Variants in DGKI observed in about 807,000 individuals in gnomAD.
The protein encoded by DGKI is DAG kinase iota.
A neutral mutation model predicts 147.5 loss-of-function variants in DGKI; 55 were observed. That is an observed-to-expected ratio of 0.37 (90% CI 0.30 to 0.47). The LOEUF (loss-of-function observed/expected upper bound fraction) is 0.47, where lower values mean the gene tolerates loss of function less well. Ranked by LOEUF, DGKI falls within the 20% of genes least tolerant of loss-of-function variation. The pLI is 1.00. For missense variants in DGKI, 1,007 were observed against 1,323.8 expected (o/e 0.76, Z 3.71); for synonymous variants, 469 against 477.1 (o/e 0.98, Z 0.22).
chr7:137,809,855 G>A (rs999754940), intron 1 of DGKI, among the ~76,000 whole-genome samples: 3 of 151,896 alleles, frequency 2.0e-5, no homozygotes, highest in African/African-American at 7.3e-5. Context: ...AGTGAGCCAT[G>A]ATCGCACCAC....
At chr7:137,492,392 T>G (rs1191448022) in intron 21 of DGKI, among the ~76,000 whole-genome samples, 1 of 151,866 alleles carries the variant, frequency 6.6e-6, no homozygotes, top group Non-Finnish European at 1.5e-5. Flanking sequence ...AGGAAGGTAT[T>G]GAGAATGGCT....
At position 137,391,198 on chromosome 7, in the gene DGKI, C is replaced by T; in HGVS notation, c.*22G>A. 2 of 1,583,584 alleles carry T rather than the reference C, an allele frequency of 1.3e-6. No homozygotes were observed. Among genetic ancestry groups the T allele is most frequent in the Non-Finnish European group, 1.7e-6 (2 of 1,152,476 alleles). ...GCAGATGTGATACGCTTGCTCATGT[C>T]CTCTTTGCCCGAATACCAGGGTCAA... On this transcript the variant is annotated 3_prime_UTR_variant, in exon 33 of 33. Coordinates refer to ENST00000614521, the MANE Select transcript of DGKI (RefSeq NM_001321708.2).
At chr7:137,733,334 C>T (rs1246935540) in intron 1 of DGKI, among the ~76,000 whole-genome samples, 1 of 152,006 alleles carries the variant, frequency 6.6e-6, no homozygotes, top group Non-Finnish European at 1.5e-5. Context: ...TAAGTGAAAT[C>T]ATACTGTATT....
intron 6 of DGKI, among the ~76,000 whole-genome samples, chr7:137,634,634 G>C (rs1821247615): frequency 6.6e-6 from 1 of 152,130 alleles, no homozygotes; most frequent in South Asian, 2.1e-4. Context: ...TGCATGAGTA[G>C]GTGGCTCAGA....
In DGKI at chr7:137,494,046, C is replaced by G. The variant is rs142976584; in HGVS notation, c.2249-6357G>C. Among the ~76,000 whole-genome samples, 443 of 152,230 alleles carry G rather than the reference C, an allele frequency of 2.9e-3. 2 individuals are homozygous for G. Among genetic ancestry groups the G allele is most frequent in the African/African-American group, 9.8e-3 (407 of 41,532 alleles). On this transcript the variant is annotated intron_variant, in intron 21 of 32. Coordinates refer to ENST00000614521, the MANE Select transcript of DGKI (RefSeq NM_001321708.2). ...TCAGAATACAACTGCAAGTTATTAA[C>G]AGCAGAATTGACCAGCTGAGGAATC...
At chr7:137,501,955 G>C (rs566203424) in intron 21 of DGKI, among the ~76,000 whole-genome samples, 1 of 152,218 alleles carries the variant, frequency 6.6e-6, no homozygotes, top group Admixed American at 6.5e-5. Flanking sequence ...GATAGTGAAT[G>C]GGTCTCACAA....
chr7:137,492,070 T>G (rs577822802), intron 21 of DGKI, among the ~76,000 whole-genome samples: 1 of 152,250 alleles, frequency 6.6e-6, no homozygotes, highest in Admixed American at 6.5e-5. Context: ...CTTCCATAGG[T>G]CTAAAGACAG....
At chr7:137,802,514 GAC>G (rs1179279300) in intron 1 of DGKI, among the ~76,000 whole-genome samples, 1 of 152,016 alleles carries the variant, frequency 6.6e-6, no homozygotes. Flanking sequence ...CTCTATTTGT[GAC>G]ATTATAATTA....
intron 19 of DGKI, among the ~76,000 whole-genome samples, chr7:137,562,437 G>A (rs748542486): frequency 6.6e-5 from 10 of 152,178 alleles, no homozygotes; most frequent in Non-Finnish European, 1.3e-4. Context: ...TCAGGAGGCT[G>A]AGGCAGGAGA....
chr7:137,822,631 G>T (rs1193930597), intron 1 of DGKI, among the ~76,000 whole-genome samples: 1 of 151,910 alleles, frequency 6.6e-6, no homozygotes, highest in Non-Finnish European at 1.5e-5. Context: ...AATATTACTG[G>T]ATCATCAGAC....
chr7:137,456,712 T>A (rs911291702), intron 27 of DGKI, among the ~76,000 whole-genome samples: 2 of 152,216 alleles, frequency 1.3e-5, no homozygotes, highest in African/African-American at 4.8e-5. Context: ...TTGGCAAAAC[T>A]TGGAACTCAT....
chr7:137,577,092 T>G (rs1819008808), intron 17 of DGKI, 130 bp downstream of exon 17: 2 of 705,896 alleles, frequency 2.8e-6, no homozygotes, highest in African/African-American at 3.6e-5. Flanking sequence ...GTAGGTTGAA[T>G]GAACTACACA....
intron 1 of DGKI, among the ~76,000 whole-genome samples, chr7:137,728,605 G>A (rs1437682601): frequency 1.3e-5 from 2 of 152,066 alleles, no homozygotes; most frequent in African/African-American, 4.8e-5. Context: ...CCAATCCAGT[G>A]GGTCCATCTG....
At position 137,592,091 on chromosome 7, in the gene DGKI, A is replaced by T. The variant is rs558108973; in HGVS notation, c.1312-4881T>A. Among the ~76,000 whole-genome samples, 4 of 152,338 alleles carry T rather than the reference A, an allele frequency of 2.6e-5. No individual in the cohort carries two copies. In the East Asian group the frequency reaches 7.7e-4, roughly 29 times the overall value. On this transcript the variant is annotated intron_variant, in intron 12 of 32. Transcript: ENST00000614521. ...TCCTTAGAGAAAAACTTTACAAAAG[A>T]TCTTAAAGCTGTTACTGGAAGCTCT...
intron 6 of DGKI, among the ~76,000 whole-genome samples, chr7:137,641,300 G>A (rs1273028419): frequency 6.6e-6 from 1 of 152,090 alleles, no homozygotes; most frequent in East Asian, 1.9e-4. Context: ...TTTATAAACA[G>A]CACGAAAACA....
intron 6 of DGKI, among the ~76,000 whole-genome samples, chr7:137,636,778 T>C (rs1287740653): frequency 6.6e-6 from 1 of 152,206 alleles, no homozygotes; most frequent in African/African-American, 2.4e-5. Context: ...GGTGCTGCAT[T>C]CACAGCAATG....
chr7:137,656,012 G>A (rs991786622), intron 4 of DGKI, among the ~76,000 whole-genome samples: 1 of 152,234 alleles, frequency 6.6e-6, no homozygotes, highest in African/African-American at 2.4e-5. Context: ...CCCCAGCAGA[G>A]TGAGAGCCGG....
chr7:137,821,518 T>C (rs976412331), intron 1 of DGKI, among the ~76,000 whole-genome samples: 8 of 152,214 alleles, frequency 5.3e-5, no homozygotes, highest in Non-Finnish European at 8.8e-5. Flanking sequence ...TGTTAACTTT[T>C]CTATTGTTGT....
chr7:137,762,664 C>T (rs1795894366), intron 1 of DGKI, among the ~76,000 whole-genome samples: 1 of 152,202 alleles, frequency 6.6e-6, no homozygotes, highest in Non-Finnish European at 1.5e-5. Context: ...ATCACCTTCT[C>T]CAGATATCTG....
Sources: gnomAD v4.1 joint callset for allele counts (sites outside exome capture counted in the v4.1 genomes callset) on GRCh38, gnomAD v4.1.1 for gene constraint, MANE v1.5 for transcripts, NCBI Gene and HGNC (gene_info 2026-07-23, HGNC 2026-07-21) for gene names.